Variants in RBBP4 observed in about 807,000 individuals in gnomAD.
RBBP4 encodes histone-binding protein RBBP4.
Under a neutral mutation model 57.2 loss-of-function variants are expected in RBBP4, and 3 were observed. That is an observed-to-expected ratio of 0.05 (90% CI 0.02 to 0.14). The LOEUF (loss-of-function observed/expected upper bound fraction) is 0.14. RBBP4 is among the 10% of genes least tolerant of loss of function. The probability of loss-of-function intolerance (pLI) is 1.00; values close to 1 mark genes in which losing one functional copy is unlikely to be tolerated. For missense variants in RBBP4, 107 were observed against 520.6 expected (o/e 0.21, Z 7.73); for synonymous variants, 151 against 171.5 (o/e 0.88, Z 0.93).
intron 3 of RBBP4, among the ~76,000 whole-genome samples, chr1:32,659,138 T>A (rs757324001): frequency 4.3e-4 from 62 of 145,048 alleles, no homozygotes; most frequent in Non-Finnish European, 8.3e-4. Flanking sequence ...CATATAAATT[T>A]TATATATATA....
intron 5 of RBBP4, 31 bp from the exon 6 acceptor site, chr1:32,668,941 C>G (rs772975974): frequency 6.2e-7 from 1 of 1,613,530 alleles, no homozygotes; most frequent in East Asian, 2.2e-5. Context: ...GAGAATCTTC[C>G]TTTTATATAA....
chr1:32,659,046 TATATATAA>T (rs1168127148), intron 3 of RBBP4, among the ~76,000 whole-genome samples: 39 of 146,848 alleles, frequency 2.7e-4, no homozygotes, highest in African/African-American at 8.5e-4. Flanking sequence ...GTATTATATT[TATATATAA>T]ATATATAAAT....
Position 32,683,023 on chromosome 1 carries a change from C to A in RBBP4, c.*3318C>A, listed in dbSNP as rs1353945569. On this transcript the variant is annotated 3_prime_UTR_variant, in exon 12 of 12. Coordinates refer to ENST00000373493, the MANE Select transcript of RBBP4 (RefSeq NM_005610.3). ...TTTAGGCCAAGCATGGTGGCTCACA[C>A]CTGAAATCCCAGCACTCTGGGAGGC... The A allele has an allele frequency of 6.6e-6, 1 of 152,046 alleles. No homozygotes were observed. Among genetic ancestry groups the A allele is most frequent in the East Asian group, 1.9e-4 (1 of 5,162 alleles). The allele number at this position is 152,046 out of a possible 1,614,324, so 9.4% of individuals were successfully genotyped here. A position where few individuals can be genotyped will look rare whatever the true frequency, so the allele number is the denominator to read the frequency against.
intron 2 of RBBP4, among the ~76,000 whole-genome samples, chr1:32,655,182 G>T (rs1452508245): frequency 6.6e-6 from 1 of 151,916 alleles, no homozygotes; most frequent in African/African-American, 2.4e-5. Context: ...TTGCTATGTT[G>T]TCCAGACTGT....
chr1:32,662,211 AT>A, intron 3 of RBBP4: 9 of 334,866 alleles, frequency 2.7e-5, no homozygotes, highest in South Asian at 1.0e-4. Flanking sequence ...GTTTTGTTTT[AT>A]TTTTTTAACA....
chr1:32,663,082 A>G (rs1321829390), intron 3 of RBBP4, among the ~76,000 whole-genome samples: 1 of 152,206 alleles, frequency 6.6e-6, no homozygotes, highest in Non-Finnish European at 1.5e-5. Context: ...AAGCTGGTAG[A>G]TTCTTAGTTG....
chr1:32,673,058 G>A (rs1022020128), intron 11 of RBBP4, among the ~76,000 whole-genome samples, 157 bp downstream of exon 11: 5 of 152,124 alleles, frequency 3.3e-5, no homozygotes, highest in African/African-American at 1.2e-4. Flanking sequence ...TCAGCTGCCT[G>A]CTCTTGACTG....
intron 11 of RBBP4, among the ~76,000 whole-genome samples, chr1:32,673,190 TA>T (rs1208357974): frequency 3.3e-5 from 5 of 152,184 alleles, no homozygotes; most frequent in African/African-American, 1.2e-4. Flanking sequence ...TTTTCCTAGC[TA>T]ACCAGACTTG....
At chr1:32,665,153 C>CCATATA (rs1354310833) in intron 3 of RBBP4, among the ~76,000 whole-genome samples, 8 of 151,960 alleles carry the variant, frequency 5.3e-5, no homozygotes, top group Non-Finnish European at 1.2e-4. Flanking sequence ...GAGGTACGTA[C>CCATATA]CATATATGCC....
In RBBP4 at chr1:32,670,950, A is replaced by G. The variant is rs567512835; in HGVS notation, c.966+1387A>G. Among the ~76,000 whole-genome samples, 10 of 149,532 alleles carry G rather than the reference A, an allele frequency of 6.7e-5. No homozygotes were observed. In the South Asian group the frequency reaches 1.7e-3, roughly 25 times the overall value. ...TTGGTGAACATTTTATCCTTACCCT[A>G]TCTCTTTGCTTTGCTTGTGACGGTA... is the stretch of plus-strand genomic sequence containing the variant. On this transcript the variant is annotated intron_variant, in intron 8 of 11. Transcript: ENST00000373493.
At chr1:32,666,103 A>G (rs889099264) in intron 3 of RBBP4, among the ~76,000 whole-genome samples, 1 of 152,112 alleles carries the variant, frequency 6.6e-6, no homozygotes, top group Admixed American at 6.6e-5. Flanking sequence ...TTTTGTTGGC[A>G]TGTGTAAGTG....
Position 32,684,484 on chromosome 1 carries a change from G to T in RBBP4, c.*4779G>T. 1 of 1,532,744 alleles carries T rather than the reference G, an allele frequency of 6.5e-7. No homozygotes were observed. 94.9% of individuals were successfully genotyped at this position (1,532,744 alleles called of 1,614,324 possible). ...ACTTTTTTGTTCATTGTTTAATCTT[G>T]ATAGCAGTATTGAGGCTGGTATTTA... On this transcript the variant is annotated 3_prime_UTR_variant, in exon 12 of 12. Coordinates refer to ENST00000373493, the MANE Select transcript of RBBP4 (RefSeq NM_005610.3).
chr1:32,667,280 T>C (rs1235858322), intron 3 of RBBP4, among the ~76,000 whole-genome samples: 2 of 152,154 alleles, frequency 1.3e-5, no homozygotes, highest in Non-Finnish European at 2.9e-5. Context: ...GTAGAAAAAA[T>C]AGTGAAAGTC....
intron 3 of RBBP4, among the ~76,000 whole-genome samples, chr1:32,659,550 G>A (rs1284667675): frequency 2.6e-5 from 3 of 113,358 alleles, no homozygotes; most frequent in African/African-American, 3.1e-5. Flanking sequence ...AAAAAAAAAA[G>A]GGAAACTCCG....
intron 3 of RBBP4, among the ~76,000 whole-genome samples, chr1:32,664,755 T>C (rs1363308922): frequency 6.6e-6 from 1 of 152,022 alleles, no homozygotes; most frequent in Non-Finnish European, 1.5e-5. Flanking sequence ...CCAGCCACTT[T>C]TTTGGGGGTG....
At chr1:32,665,056 G>A (rs1213373926) in intron 3 of RBBP4, among the ~76,000 whole-genome samples, 1 of 152,090 alleles carries the variant, frequency 6.6e-6, no homozygotes. Flanking sequence ...CTTAGTGCAG[G>A]GTTGCTGTAA....
chr1:32,661,895 TTTTTTTTTTTTG>T (rs1363475989), intron 3 of RBBP4, among the ~76,000 whole-genome samples: 9 of 114,854 alleles, frequency 7.8e-5, no homozygotes, highest in Admixed American at 4.0e-4. Flanking sequence ...TTTTTTTTTT[TTTTTTTTTTTTG>T]AGACAGTCTT....
In RBBP4 at chr1:32,680,873, T is replaced by G. The variant is rs1649389741; in HGVS notation, c.*1168T>G. The G allele has an allele frequency of 3.6e-6, 1 of 278,182 alleles. No individual in the cohort carries two copies. The highest frequency in any genetic ancestry group is 6.7e-6 in the Non-Finnish European group (1 of 149,812). The allele number at this position is 278,182 out of a possible 1,614,324, so 17.2% of individuals were successfully genotyped here. On this transcript the variant is annotated 3_prime_UTR_variant, in exon 12 of 12. Transcript: ENST00000373493. ...ATCAGAGGTGGCACAGATTAGTCTT[T>G]GATAAGGTAACGTTTCTTTGAAGTC... is the stretch of plus-strand genomic sequence containing the variant.
In RBBP4 at chr1:32,669,935, C is replaced by G. The variant is rs1044612180; in HGVS notation, c.966+372C>G. Among the ~76,000 whole-genome samples, 1 of 152,160 alleles carries G rather than the reference C, an allele frequency of 6.6e-6. No homozygotes were observed. The highest frequency in any genetic ancestry group is 1.5e-5 in the Non-Finnish European group (1 of 68,024). ...AAACCTGGATGTATGAGTGGGCACA[C>G]ATGTGCTTTATGCCGTTGCTAAAAA... On this transcript the variant is annotated intron_variant, in intron 8 of 11. Transcript: ENST00000373493. The surrounding 1 kb of genome is among the most constrained non-coding windows in gnomAD (Gnocchi z 4.9).
Sources: allele counts gnomAD v4.1 joint callset (sites outside exome capture counted in the v4.1 genomes callset), GRCh38; gene constraint gnomAD v4.1.1; non-coding constraint Gnocchi (gnomAD v3.1); transcripts MANE v1.5; gene names NCBI Gene and HGNC (gene_info 2026-07-23, HGNC 2026-07-21).